Variants in ARHGAP10 observed in about 807,000 individuals in gnomAD.
ARHGAP10 encodes rho GTPase-activating protein 10.
In ARHGAP10, 87 loss-of-function variants were observed where a neutral mutation model predicts 108.6. That is an observed-to-expected ratio of 0.80 (90% CI 0.67 to 0.96). The LOEUF is 0.96. Ranked by LOEUF, ARHGAP10 falls within the 40% of genes least tolerant of loss-of-function variation. ARHGAP10 has a pLI of 0.00. For missense variants in ARHGAP10, 939 were observed against 954.5 expected (o/e 0.98, Z 0.21); for synonymous variants, 347 against 341.1 (o/e 1.02, Z -0.19).
chr4:147,846,804 G>T (rs1733653169), intron 3 of ARHGAP10, among the ~76,000 whole-genome samples: 1 of 152,132 alleles, frequency 6.6e-6, no homozygotes, highest in South Asian at 2.1e-4. Flanking sequence ...TTCTAAGGAG[G>T]GGGAAGGAAA....
At chr4:147,876,656 T>A (rs115893921) in intron 8 of ARHGAP10, among the ~76,000 whole-genome samples, 8 of 152,246 alleles carry the variant, frequency 5.3e-5, no homozygotes, top group Admixed American at 5.2e-4. Context: ...ATGTTAGAAT[T>A]ATTTGTATTA....
At chr4:147,995,032 A>G (rs10519934) in intron 18 of ARHGAP10, among the ~76,000 whole-genome samples, 6,305 of 152,304 alleles carry the variant, frequency 0.041, 409 homozygotes, top group African/African-American at 0.14. Context: ...TTCTAGGGCC[A>G]CAGACAGATC....
chr4:148,004,793 T>C (rs1245054615), intron 18 of ARHGAP10, among the ~76,000 whole-genome samples: 1 of 152,222 alleles, frequency 6.6e-6, no homozygotes, highest in Non-Finnish European at 1.5e-5. Flanking sequence ...CTTTGTGGGC[T>C]GAGGACCTCC....
At chr4:147,884,709 G>A (rs1414034001) in intron 10 of ARHGAP10, among the ~76,000 whole-genome samples, 2 of 152,140 alleles carry the variant, frequency 1.3e-5, no homozygotes, top group Non-Finnish European at 2.9e-5. Flanking sequence ...CATGTGCCAG[G>A]TAGAGTGAGT....
chr4:147,751,894 T>G (rs1729167405), intron 1 of ARHGAP10, among the ~76,000 whole-genome samples: 1 of 151,062 alleles, frequency 6.6e-6, no homozygotes, highest in Non-Finnish European at 1.5e-5. Flanking sequence ...TTTTTTTTTT[T>G]TTTTTTTTTT....
chr4:147,922,644 C>G (rs1272799689), intron 13 of ARHGAP10, among the ~76,000 whole-genome samples: 48 of 148,100 alleles, frequency 3.2e-4, no homozygotes, highest in African/African-American at 1.1e-3. Flanking sequence ...GCCGAGATCC[C>G]GCCACTGCAC....
At chr4:147,754,105 C>T (rs767179949) in intron 1 of ARHGAP10, among the ~76,000 whole-genome samples, 14 of 152,150 alleles carry the variant, frequency 9.2e-5, no homozygotes, top group Non-Finnish European at 1.5e-4. Flanking sequence ...TAGAACAGTG[C>T]CTTGCTCATA....
At chr4:148,032,880 G>A (rs897911636) in intron 19 of ARHGAP10, among the ~76,000 whole-genome samples, 1 of 152,178 alleles carries the variant, frequency 6.6e-6, no homozygotes, top group African/African-American at 2.4e-5. Flanking sequence ...GGAGAAAGAT[G>A]ACGGCTGTGG....
At chr4:148,011,163 GGT>G (rs1741156028) in intron 18 of ARHGAP10, among the ~76,000 whole-genome samples, 2 of 152,128 alleles carry the variant, frequency 1.3e-5, no homozygotes. Flanking sequence ...TTCCATTATT[GGT>G]GAAATTGATC....
intron 1 of ARHGAP10, among the ~76,000 whole-genome samples, chr4:147,773,654 G>T (rs1730167790): frequency 6.6e-6 from 1 of 152,044 alleles, no homozygotes; most frequent in East Asian, 1.9e-4. Context: ...TGTTTTTCGT[G>T]GGCAGAACTT....
At chr4:147,776,977 C>T (rs1035748559) in intron 1 of ARHGAP10, among the ~76,000 whole-genome samples, 5 of 152,332 alleles carry the variant, frequency 3.3e-5, no homozygotes, top group African/African-American at 9.6e-5. Context: ...GTGACATTGA[C>T]GCTCTGGAGA....
intron 10 of ARHGAP10, among the ~76,000 whole-genome samples, chr4:147,887,014 C>T (rs1245608663): frequency 6.6e-6 from 1 of 152,174 alleles, no homozygotes; most frequent in African/African-American, 2.4e-5. Context: ...GCCTCGGCCT[C>T]CCAAAGTGCT....
At chr4:147,790,371 C>T (rs1046159461) in intron 1 of ARHGAP10, among the ~76,000 whole-genome samples, 2 of 152,124 alleles carry the variant, frequency 1.3e-5, no homozygotes, top group African/African-American at 2.4e-5. Context: ...GGGGGAAACG[C>T]AAACATTCAG....
intron 13 of ARHGAP10, among the ~76,000 whole-genome samples, chr4:147,934,788 C>T (rs887700410): frequency 6.6e-6 from 1 of 152,344 alleles, no homozygotes; most frequent in African/African-American, 2.4e-5. Context: ...GAGCTGTTAT[C>T]ACACCACTGC....
At chr4:148,070,665 A>C (rs1312319717) in intron 22 of ARHGAP10, among the ~76,000 whole-genome samples, 1 of 152,218 alleles carries the variant, frequency 6.6e-6, no homozygotes, top group Non-Finnish European at 1.5e-5. Context: ...TGAGGGTAAG[A>C]GTATTGCTTC....
chr4:147,772,415 T>C (rs144510983), intron 1 of ARHGAP10, among the ~76,000 whole-genome samples: 187 of 152,332 alleles, frequency 1.2e-3, no homozygotes, highest in African/African-American at 4.3e-3. Context: ...TAAGCCACAG[T>C]TCTACAGACA....
At chr4:147,911,609 A>T (rs185363849) in intron 12 of ARHGAP10, among the ~76,000 whole-genome samples, 2 of 148,894 alleles carry the variant, frequency 1.3e-5, no homozygotes, top group East Asian at 2.0e-4. Context: ...TGATCCGCCC[A>T]CCTTGGCCTC....
intron 18 of ARHGAP10, among the ~76,000 whole-genome samples, chr4:148,003,767 A>T (rs1740830023): frequency 6.6e-6 from 1 of 152,086 alleles, no homozygotes; most frequent in Admixed American, 6.5e-5. Flanking sequence ...TGTTTGGTAG[A>T]TCTTCCTCCA....
chr4:148,023,462 C>T (rs373369623), intron 19 of ARHGAP10, 49 bp downstream of exon 19: 287 of 1,573,584 alleles, frequency 1.8e-4, no homozygotes, highest in Non-Finnish European at 2.2e-4. Context: ...GAGAGTATGG[C>T]GTATCATATG....
Sources: allele counts gnomAD v4.1 joint callset (sites outside exome capture counted in the v4.1 genomes callset), GRCh38; gene constraint gnomAD v4.1.1; transcripts MANE v1.5; gene names NCBI Gene and HGNC (gene_info 2026-07-23, HGNC 2026-07-21).